SPEG: variants seen among roughly 807,000 people sequenced by gnomAD.
SPEG encodes striated muscle preferentially expressed protein kinase.
Under a neutral mutation model 300.4 loss-of-function variants are expected in SPEG, and 114 were observed. The ratio of observed to expected loss-of-function variants is 0.38; its 90% confidence interval spans 0.33 to 0.44. SPEG has a LOEUF of 0.44. SPEG is among the 20% of genes least tolerant of loss of function. The probability of loss-of-function intolerance (pLI) is 1.00; values close to 1 mark genes in which losing one functional copy is unlikely to be tolerated. For missense variants in SPEG, 4,201 were observed against 4,586.2 expected, an observed-to-expected ratio of 0.92 and a Z score of 2.43; for synonymous variants, 1,964 against 2,018.9, an observed-to-expected ratio of 0.97 and a Z score of 0.73.
In SPEG at chr2:219,493,046, G is replaced by T. The variant is rs1403832392; in HGVS notation, c.*260G>T. On this transcript the variant is annotated 3_prime_UTR_variant, in exon 41 of 41. Coordinates refer to ENST00000312358, the MANE Select transcript of SPEG (RefSeq NM_005876.5). ...TGGGAACAGGCAGAGGGACAAGAGG[G>T]GAATGGAGAAGTGGAGAGGAAAAGG... 4.3e-6 allele frequency: 3 copies of T among 690,668 alleles called. No individual in the cohort carries two copies. The highest frequency in any genetic ancestry group is 7.9e-6 in the Non-Finnish European group (3 of 377,600). The allele number at this position is 690,668 out of a possible 1,614,324, so 42.8% of individuals were successfully genotyped here.
Position 219,467,340 on chromosome 2 carries a change from G to A in SPEG, c.3048G>A (p.Lys1016=). The change falls in exon 10 of 41, where the codon AAG becomes AAA. Residue 1016 remains lysine (K), a synonymous_variant. Transcript: ENST00000312358. ...RLLQPALLKC[K]MHFDGRKCKL... ...TGCAGCCTGCACTGCTCAAATGCAA[G>A]ATGCATTTCGATGGCCGCAAATGCA... 6.2e-7 allele frequency: 1 copy of A among 1,612,166 alleles called. No homozygotes were observed. The highest frequency in any genetic ancestry group is 8.5e-7 in the Non-Finnish European group (1 of 1,179,982).
At position 219,464,081 on chromosome 2, in the gene SPEG, C is replaced by T. The variant is rs1192072049; in HGVS notation, c.2706-352C>T. Among the ~76,000 whole-genome samples the T allele has an allele frequency of 4.0e-5, 6 of 151,252 alleles. No individual in the cohort carries two copies. The highest frequency in any genetic ancestry group is 3.9e-4 in the Admixed American group (6 of 15,208). ...GAAGCTGCAGTGAGCTGTGATTGTG[C>T]CACTGCACTCCAGCCTGGGTGACAG... On this transcript the variant is annotated intron_variant, in intron 8 of 40. Transcript: ENST00000312358. The surrounding 1 kb of genome is among the most constrained non-coding windows in gnomAD (Gnocchi z 4.5).
Position 219,485,446 on chromosome 2 carries a change from G to T in SPEG, c.7710G>T (p.Glu2570Asp), listed in dbSNP as rs377520775. Residue 2570 changes from glutamate (E) to aspartate (D), a missense_variant, in exon 31 of 41, where the codon GAG becomes GAT. Physicochemically the swap from Glu to Asp is conservative, Grantham distance 45 (BLOSUM62 2). Coordinates refer to ENST00000312358, the MANE Select transcript of SPEG (RefSeq NM_005876.5). ...ACCTCTCTGCCAGCGTCCAGGAGGA[G>T]TTGGGTCACCAGTACGTGCGCAGTG... The part of the protein sequence containing the change: ...PPNLSASVQE[E>D]LGHQYVRSES... 3.7e-6 allele frequency: 6 copies of T among 1,601,802 alleles called. No homozygotes were observed. The highest frequency in any genetic ancestry group is 1.1e-5 in the South Asian group (1 of 90,014).
In SPEG at chr2:219,435,385, C is replaced by G; in HGVS notation, c.388+20C>G. 4 of 1,523,488 alleles carry G rather than the reference C, an allele frequency of 2.6e-6. No homozygotes were observed. The highest frequency in any genetic ancestry group is 2.0e-5 in the Admixed American group (1 of 49,150). The allele number at this position is 1,523,488 out of a possible 1,614,324, so 94.4% of individuals were successfully genotyped here. ...TCGGAGGTAAAGGGCAGGTGGGGGC[C>G]GCGCCCGGCAGGGGCGGGGTGCTCA... On this transcript the variant is annotated intron_variant, in intron 1 of 40. Coordinates refer to ENST00000312358, the MANE Select transcript of SPEG (RefSeq NM_005876.5).
At position 219,479,133 on chromosome 2, in the gene SPEG, C is replaced by T. The variant is rs944975338; in HGVS notation, c.5028-11C>T. 2.5e-6 allele frequency: 4 copies of T among 1,613,146 alleles called. No individual in the cohort carries two copies. Among genetic ancestry groups the T allele is most frequent in the Non-Finnish European group, 3.4e-6 (4 of 1,179,808 alleles). Reference sequence around the variant, plus strand: ...GGCACTGGGCACTGTTCTCCTTGATCTGGGATGTAGCTGCACAGAGGAGCT... The same window carrying T: ...GGCACTGGGCACTGTTCTCCTTGATTTGGGATGTAGCTGCACAGAGGAGCT... On this transcript the variant is annotated splice_polypyrimidine_tract_variant and intron_variant, in intron 22 of 40. Coordinates refer to ENST00000312358, the MANE Select transcript of SPEG (RefSeq NM_005876.5). This position sits in a 1 kb window ranked among gnomAD's most constrained non-coding sequence, Gnocchi z 5.5.
At position 219,491,801 on chromosome 2, in the gene SPEG, G is replaced by A; in HGVS notation, c.9393G>A (p.Glu3131=). The change falls in exon 39 of 41, where the codon GAG becomes GAA. Residue 3131 remains glutamate (E), a synonymous_variant. Transcript: ENST00000312358. The part of the protein sequence containing the change: ...RTGTLEFMAP[E]MVKGEPIGSA... Reference sequence around the variant, plus strand: ...GCCTCTGTCTCCTGTCAGCTCCGGAGATGGTGAAGGGAGAACCCATCGGCT... The same window carrying A: ...GCCTCTGTCTCCTGTCAGCTCCGGAAATGGTGAAGGGAGAACCCATCGGCT... The A allele has an allele frequency of 6.2e-7, 1 of 1,613,138 alleles. No individual in the cohort carries two copies.
rs1443331322 is a variant in SPEG, at chr2:219,477,481, C to A, written c.4729+36C>A. The A allele has an allele frequency of 2.0e-6, 3 of 1,529,592 alleles. No homozygotes were observed. Among genetic ancestry groups the A allele is most frequent in the Non-Finnish European group, 2.6e-6 (3 of 1,134,710 alleles). 94.8% of individuals were successfully genotyped at this position (1,529,592 alleles called of 1,614,324 possible). On this transcript the variant is annotated intron_variant, in intron 20 of 40. Transcript: ENST00000312358. This position sits in a 1 kb window ranked among gnomAD's most constrained non-coding sequence, Gnocchi z 6.4. ...GTTCCGGAGAAAGGTAAAGCGCACA[C>A]CCCCTGGAATCTGATGTGACCCTCC... is the stretch of plus-strand genomic sequence containing the variant.
chr2:219,477,627 C>T lies in SPEG; in HGVS notation c.4730-62C>T, dbSNP rs775449553. On this transcript the variant is annotated intron_variant, in intron 20 of 40. Coordinates refer to ENST00000312358, the MANE Select transcript of SPEG (RefSeq NM_005876.5). The surrounding 1 kb of genome is among the most constrained non-coding windows in gnomAD (Gnocchi z 6.4). ...TCTCTTCTTCTTCTGTCCACCTGTC[C>T]CAGTCTCTGGCCTGCTTGCTTTCTT... 2.3e-5 allele frequency: 33 copies of T among 1,444,106 alleles called. No homozygotes were observed. Among genetic ancestry groups the T allele is most frequent in the Admixed American group, 2.3e-4 (11 of 48,190 alleles). The allele number at this position is 1,444,106 out of a possible 1,614,324, so 89.5% of individuals were successfully genotyped here. A position where few individuals can be genotyped will look rare whatever the true frequency, so the allele number is the denominator to read the frequency against.
At chr2:219,452,855 A>G (rs1161204545) in intron 6 of SPEG, among the ~76,000 whole-genome samples, 1 of 152,176 alleles carries the variant, frequency 6.6e-6, no homozygotes, top group Non-Finnish European at 1.5e-5. Flanking sequence ...CCAGGGCCTC[A>G]GCACCTGAGC....
chr2:219,477,183 TG>T lies in SPEG; in HGVS notation c.4561-93del. On this transcript the variant is annotated intron_variant, in intron 19 of 40. Coordinates refer to ENST00000312358, the MANE Select transcript of SPEG (RefSeq NM_005876.5). The surrounding 1 kb of genome is among the most constrained non-coding windows in gnomAD (Gnocchi z 6.4). ...GGGAGGAGCTGACTCTGGGTCCTGG[TG>T]AGAGATGCGCTGCCCAGAGTAGGAG... is the stretch of plus-strand genomic sequence containing the variant. The T allele has an allele frequency of 2.3e-6, 1 of 443,406 alleles. No homozygotes were observed. Among genetic ancestry groups the T allele is most frequent in the Non-Finnish European group, 3.8e-6 (1 of 264,310 alleles). The allele number at this position is 443,406 out of a possible 1,614,324, so 27.5% of individuals were successfully genotyped here.
Position 219,484,304 on chromosome 2 carries a change from AG to A in SPEG, c.6844del (p.Val2282TrpfsTer22). 1 of 1,605,820 alleles carries A rather than the reference AG, an allele frequency of 6.2e-7. No homozygotes were observed. The highest frequency in any genetic ancestry group is 8.5e-7 in the Non-Finnish European group (1 of 1,178,982). ...EPKPHAAVFARVASPPPGAPE... is the reference protein window; with the variant it reads ...EPKPHAAVFAXVASPPPGAPE... ...CAAGCCCCACGCTGCTGTCTTTGCC[AG>A]GGTGGCCTCCCCACCTCCGGGAGCC... On this transcript the variant is annotated frameshift_variant, in exon 30 of 41. Coordinates refer to ENST00000312358, the MANE Select transcript of SPEG (RefSeq NM_005876.5). LOFTEE classifies it high-confidence loss of function.
intron 9 of SPEG, chr2:219,466,918 T>A: frequency 8.7e-7 from 1 of 1,149,922 alleles, no homozygotes; most frequent in Non-Finnish European, 1.1e-6. Context: ...CACGTGGCCC[T>A]CTCAGTTTCC....
At chr2:219,442,727 TCTC>T (rs1194645887) in intron 1 of SPEG, among the ~76,000 whole-genome samples, 1 of 149,272 alleles carries the variant, frequency 6.7e-6, no homozygotes, top group African/African-American at 2.5e-5. Flanking sequence ...ATCCCCATCT[TCTC>T]CTTCTCCTCA....
Position 219,484,371 on chromosome 2 carries a change from T to C in SPEG, c.6908T>C (p.Leu2303Pro), listed in dbSNP as rs1459521538. Residue 2303 changes from leucine to proline, a missense_variant, in exon 30 of 41, where the codon CTA (leucine) becomes CCA (proline). Leu to Pro is a moderately conservative substitution (Grantham distance 98). Around this residue, in one of 4 missense-constraint regions of SPEG, gnomAD observed 1,578 missense variants for 1,506.0 expected, o/e 1.05. Transcript: ENST00000312358. ...CCCTCAGCCGGGGGTCCCCCGGTGC[T>C]AGCCGAGAAAGCCCGAGTTCCCACG... ...RVPSAGGPPV[L>P]AEKARVPTVP... 6.2e-7 allele frequency: 1 copy of C among 1,607,208 alleles called. No homozygotes were observed. The highest frequency in any genetic ancestry group is 1.1e-5 in the South Asian group (1 of 90,948).
chr2:219,470,441 C>T (rs1691771815), intron 13 of SPEG, among the ~76,000 whole-genome samples: 1 of 152,066 alleles, frequency 6.6e-6, no homozygotes, highest in Non-Finnish European at 1.5e-5. Context: ...AGCAGGCCTC[C>T]CTGTCTCCCA....
At chr2:219,461,451 A>G (rs1431700991) in intron 6 of SPEG, 6 of 1,032,004 alleles carry the variant, frequency 5.8e-6, no homozygotes, top group Non-Finnish European at 7.0e-6. Context: ...CACCCAAGAA[A>G]TGGGCGTCCT....
rs1283344523 is a variant in SPEG at position 219,458,217 on chromosome 2, C to G, written c.2441-3665C>G. 1.3e-5 allele frequency among the ~76,000 whole-genome samples: 2 copies of G among 152,126 alleles called. No individual in the cohort carries two copies. Among genetic ancestry groups the G allele is most frequent in the African/African-American group, 2.4e-5 (1 of 41,434 alleles). ...AGAGAGCCCCATGACTTTTCAAGCC[C>G]TTGAGCAACGTGGGTGACACACAGA... On this transcript the variant is annotated intron_variant, in intron 6 of 40. Transcript: ENST00000312358. The surrounding 1 kb of genome is among the most constrained non-coding windows in gnomAD (Gnocchi z 4.2).
chr2:219,456,104 G>A (rs1322126164), intron 6 of SPEG, among the ~76,000 whole-genome samples: 4 of 152,256 alleles, frequency 2.6e-5, no homozygotes, highest in Non-Finnish European at 5.9e-5. Flanking sequence ...GGGTCTGTGA[G>A]GAGGGCAAGT....
rs367638115 is a variant in SPEG, at chr2:219,481,122, CA to C, written c.5370-181del. 1.4e-3 allele frequency among the ~76,000 whole-genome samples: 209 copies of C among 152,326 alleles called. No individual in the cohort carries two copies. The highest frequency in any genetic ancestry group is 4.4e-3 in the African/African-American group (182 of 41,572). ...AAGGCAGCACCACCTCCCTGCCCATCAGGGGGGCTGGGGAGGGGACAGGGCA... is the reference window on the plus strand; with the variant it reads ...AAGGCAGCACCACCTCCCTGCCCATCGGGGGGCTGGGGAGGGGACAGGGCA... On this transcript the variant is annotated intron_variant, in intron 26 of 40. Transcript: ENST00000312358. The surrounding 1 kb of genome is among the most constrained non-coding windows in gnomAD (Gnocchi z 5.4).
Sources: allele counts gnomAD v4.1 joint callset (sites outside exome capture counted in the v4.1 genomes callset), GRCh38; gene constraint gnomAD v4.1.1; regional missense constraint gnomAD v4.1.1; non-coding constraint Gnocchi (gnomAD v3.1); transcripts MANE v1.5; gene names NCBI Gene and HGNC (gene_info 2026-07-23, HGNC 2026-07-21).